Variants in SLC16A7 observed in about 807,000 individuals in gnomAD.
The protein encoded by SLC16A7 is monocarboxylate transporter 2.
In SLC16A7, 33 loss-of-function variants were observed where a neutral mutation model predicts 34.9. That is an observed-to-expected ratio of 0.94 (90% CI 0.72 to 1.26). The LOEUF is 1.26. Among genes scored for constraint, SLC16A7 ranks in the 50% most tolerant of loss-of-function variants. The pLI, the probability that SLC16A7 is intolerant of heterozygous loss-of-function variation, is 0.00. For missense variants in SLC16A7, 573 were observed against 578.1 expected (o/e 0.99, Z 0.09); for synonymous variants, 201 against 206.6 (o/e 0.97, Z 0.23).
At chr12:59,707,217 G>A (rs920501838) in intron 3 of SLC16A7, among the ~76,000 whole-genome samples, 2 of 151,978 alleles carry the variant, frequency 1.3e-5, no homozygotes, top group African/African-American at 4.8e-5. Context: ...CCAGAGTTAG[G>A]GGCCATGGAT....
intron 1 of SLC16A7, among the ~76,000 whole-genome samples, chr12:59,630,960 T>G (rs1880156286): frequency 6.6e-6 from 1 of 151,922 alleles, no homozygotes; most frequent in South Asian, 2.1e-4. Context: ...TATTGTATTC[T>G]TTTTCAAAGG....
intron 2 of SLC16A7, among the ~76,000 whole-genome samples, chr12:59,703,989 G>A (rs1304634351): frequency 6.6e-6 from 1 of 151,656 alleles, no homozygotes; most frequent in East Asian, 1.9e-4. Flanking sequence ...ATCATCTGAG[G>A]TCAGGAGTTC....
At chr12:59,645,638 AC>A (rs1880875938) in intron 1 of SLC16A7, among the ~76,000 whole-genome samples, 1 of 152,166 alleles carries the variant, frequency 6.6e-6, no homozygotes, top group South Asian at 2.1e-4. Context: ...CAGCATGAGA[AC>A]AGATTAATAC....
chr12:59,771,462 A>T, intron 4 of SLC16A7, 100 bp downstream of exon 4: 1 of 862,538 alleles, frequency 1.2e-6, no homozygotes, highest in East Asian at 3.0e-5. Flanking sequence ...CTTTGAATTT[A>T]TTTTTTTATA....
chr12:59,644,651 A>G (rs939669014), intron 1 of SLC16A7, among the ~76,000 whole-genome samples: 1 of 152,200 alleles, frequency 6.6e-6, no homozygotes, highest in Non-Finnish European at 1.5e-5. Flanking sequence ...ATCATAAATA[A>G]CTGGTACTTA....
chr12:59,674,245 G>A (rs559321107), intron 2 of SLC16A7, among the ~76,000 whole-genome samples: 6 of 152,182 alleles, frequency 3.9e-5, no homozygotes, highest in Admixed American at 6.5e-5. Context: ...AGAGTGTTAC[G>A]TTCTTTTTTC....
At chr12:59,638,033 A>G (rs1014604513) in intron 1 of SLC16A7, among the ~76,000 whole-genome samples, 1 of 152,130 alleles carries the variant, frequency 6.6e-6, no homozygotes, top group African/African-American at 2.4e-5. Context: ...TTGCTTAGAA[A>G]TTACCCACCC....
At chr12:59,765,212 A>T (rs1318376913) in intron 3 of SLC16A7, among the ~76,000 whole-genome samples, 2 of 151,904 alleles carry the variant, frequency 1.3e-5, no homozygotes, top group Admixed American at 6.6e-5. Flanking sequence ...GTTTGAGTTC[A>T]TTGTAGATTC....
At chr12:59,720,195 C>G in intron 3 of SLC16A7, 1 of 637,608 alleles carries the variant, frequency 1.6e-6, no homozygotes, top group Non-Finnish European at 2.8e-6. Flanking sequence ...TTGGAATCTT[C>G]CTAAGTTATT....
chr12:59,614,278 C>T (rs369896987), intron 1 of SLC16A7, among the ~76,000 whole-genome samples: 5 of 152,186 alleles, frequency 3.3e-5, no homozygotes, highest in Admixed American at 6.5e-5. Flanking sequence ...CTCAGATGAT[C>T]CACCTGCCTC....
chr12:59,708,862 T>C (rs1221029840), intron 3 of SLC16A7, among the ~76,000 whole-genome samples: 1 of 151,638 alleles, frequency 6.6e-6, no homozygotes, highest in African/African-American at 2.4e-5. Flanking sequence ...GAATGCAAAT[T>C]ATGTTTATAC....
chr12:59,775,530 C>A, intron 5 of SLC16A7, 55 bp downstream of exon 5: 1 of 1,305,420 alleles, frequency 7.7e-7, no homozygotes, highest in South Asian at 1.3e-5. Flanking sequence ...TATCCATTAA[C>A]GGAGACTTTA....
intron 3 of SLC16A7, among the ~76,000 whole-genome samples, chr12:59,727,172 T>TA (rs1486241251): frequency 6.9e-6 from 1 of 144,826 alleles, no homozygotes; most frequent in African/African-American, 2.7e-5. Flanking sequence ...ATATATATAA[T>TA]ATATATATGT....
chr12:59,668,145 G>A (rs1869363269), intron 2 of SLC16A7, among the ~76,000 whole-genome samples: 1 of 152,168 alleles, frequency 6.6e-6, no homozygotes, highest in African/African-American at 2.4e-5. Flanking sequence ...GTGCAGCAGG[G>A]AAATGTGGGG....
Position 59,786,151 on chromosome 12 carries a change from A to T in SLC16A7, c.*6472A>T, listed in dbSNP as rs965681908. On this transcript the variant is annotated 3_prime_UTR_variant, in exon 6 of 6. Transcript: ENST00000547379. ...GTATACATATGTAACTAACCTGCAC[A>T]TTGTGCACATGTACCCTAAAACTTA... is the stretch of plus-strand genomic sequence containing the variant. 2 of 151,784 alleles carry T rather than the reference A, an allele frequency of 1.3e-5. No individual in the cohort carries two copies. Among genetic ancestry groups the T allele is most frequent in the African/African-American group, 4.8e-5 (2 of 41,294 alleles). 9.4% of individuals were successfully genotyped at this position (151,784 alleles called of 1,614,324 possible).
At chr12:59,763,738 C>T (rs1881253678) in intron 3 of SLC16A7, among the ~76,000 whole-genome samples, 1 of 152,102 alleles carries the variant, frequency 6.6e-6, no homozygotes, top group Non-Finnish European at 1.5e-5. Context: ...TTCATGACAG[C>T]ATGTGCTGAC....
At chr12:59,734,230 C>T (rs1877311395) in intron 3 of SLC16A7, 4 of 179,306 alleles carry the variant, frequency 2.2e-5, no homozygotes, top group African/African-American at 7.1e-5. Flanking sequence ...CCTCAGCTCC[C>T]CTGCCCCAGC....
chr12:59,716,755 G>A (rs1874953413), intron 3 of SLC16A7, among the ~76,000 whole-genome samples: 1 of 152,132 alleles, frequency 6.6e-6, no homozygotes, highest in Admixed American at 6.6e-5. Flanking sequence ...GCTGAAGTGG[G>A]AGGATAACTT....
At chr12:59,774,484 A>G (rs1882535327) in intron 4 of SLC16A7, among the ~76,000 whole-genome samples, 173 bp from the exon 5 acceptor site, 1 of 152,206 alleles carries the variant, frequency 6.6e-6, no homozygotes, top group Non-Finnish European at 1.5e-5. Context: ...GTGTTCAGTT[A>G]TGAAAACCTT....
Sources: allele counts gnomAD v4.1 joint callset (sites outside exome capture counted in the v4.1 genomes callset), GRCh38; gene constraint gnomAD v4.1.1; transcripts MANE v1.5; gene names NCBI Gene and HGNC (gene_info 2026-07-23, HGNC 2026-07-21).